EHBP1: variants seen among roughly 807,000 people sequenced by gnomAD.
EHBP1 encodes the protein EH domain-binding protein 1.
A neutral mutation model predicts 144.0 loss-of-function variants in EHBP1; 55 were observed. That is an observed-to-expected ratio of 0.38 (90% CI 0.31 to 0.48). The LOEUF (loss-of-function observed/expected upper bound fraction) is 0.48. Ranked by LOEUF, EHBP1 falls within the 20% of genes least tolerant of loss-of-function variation. The pLI is 0.98. For missense variants in EHBP1, 1,200 were observed against 1,364.2 expected (o/e 0.88, Z 1.90); for synonymous variants, 469 against 472.7 (o/e 0.99, Z 0.10).
At chr2:62,839,279 C>G (rs2047583616) in intron 7 of EHBP1, among the ~76,000 whole-genome samples, 1 of 151,582 alleles carries the variant, frequency 6.6e-6, no homozygotes, top group South Asian at 2.1e-4. Flanking sequence ...AAGCCTTTGA[C>G]AAAATTCAAC....
chr2:62,767,003 C>T (rs1330105175), intron 4 of EHBP1, among the ~76,000 whole-genome samples: 2 of 147,644 alleles, frequency 1.4e-5, no homozygotes, highest in Admixed American at 1.4e-4. Flanking sequence ...TTGTAAGATC[C>T]ATTACCCTTT....
chr2:62,925,479 C>T (rs139520771), intron 10 of EHBP1, among the ~76,000 whole-genome samples: 88 of 151,806 alleles, frequency 5.8e-4, no homozygotes, highest in African/African-American at 2.0e-3. Context: ...TGAATCTGTG[C>T]TCTCAGGAAA....
At chr2:63,037,368 T>C (rs1035250483) in intron 19 of EHBP1, among the ~76,000 whole-genome samples, 167 bp from the exon 20 acceptor site, 4 of 152,024 alleles carry the variant, frequency 2.6e-5, no homozygotes, top group East Asian at 1.9e-4. Flanking sequence ...CACCTTAAGA[T>C]TGACTTTTCT....
chr2:62,815,789 A>AT (rs1165182438), intron 5 of EHBP1, among the ~76,000 whole-genome samples: 1 of 152,192 alleles, frequency 6.6e-6, no homozygotes, highest in Non-Finnish European at 1.5e-5. Flanking sequence ...GATTTTTCTG[A>AT]TGGAATAGGT....
At chr2:62,768,745 C>T (rs1369678563) in intron 4 of EHBP1, among the ~76,000 whole-genome samples, 1 of 152,182 alleles carries the variant, frequency 6.6e-6, no homozygotes, top group Non-Finnish European at 1.5e-5. Flanking sequence ...CCTTGATGAA[C>T]ATCGATGCAA....
At position 62,986,209 on chromosome 2, in the gene EHBP1, A is replaced by G. The variant is rs567557521; in HGVS notation, c.2609-4507A>G. On this transcript the variant is annotated intron_variant, in intron 15 of 22. Transcript: ENST00000431489. ...TATTTGTTAGCTTATTTGCTAAACT[A>G]CAAATTTTGAGGATAGTGAAATTGA... is the stretch of plus-strand genomic sequence containing the variant. Among the ~76,000 whole-genome samples, 7 of 152,320 alleles carry G rather than the reference A, an allele frequency of 4.6e-5. No individual in the cohort carries two copies. In the South Asian group the frequency reaches 1.5e-3, roughly 32 times the overall value.
chr2:62,977,905 G>A lies in EHBP1; in HGVS notation c.2461-1283G>A, dbSNP rs566728092. Among the ~76,000 whole-genome samples, 355 of 152,254 alleles carry A rather than the reference G, an allele frequency of 2.3e-3. 2 individuals are homozygous for A. The highest frequency in any genetic ancestry group is 3.6e-3 in the Non-Finnish European group (247 of 68,018). ...AGGGGAGGTTTGGTGGATTTAAACT[G>A]AATCTGGAAGAATGAGTAGAAATTA... On this transcript the variant is annotated intron_variant, in intron 14 of 22. Coordinates refer to ENST00000431489, the MANE Select transcript of EHBP1 (RefSeq NM_001142616.3).
At chr2:62,864,575 C>T (rs994812831) in intron 8 of EHBP1, among the ~76,000 whole-genome samples, 156 bp from the exon 9 acceptor site, 5 of 151,970 alleles carry the variant, frequency 3.3e-5, no homozygotes, top group African/African-American at 1.2e-4. Flanking sequence ...CTACTTAGCC[C>T]CTCTAAAATA....
chr2:63,017,453 G>A (rs991809258), intron 19 of EHBP1, among the ~76,000 whole-genome samples: 2 of 152,200 alleles, frequency 1.3e-5, no homozygotes, highest in African/African-American at 4.8e-5. Context: ...AGTCAAAGTT[G>A]ATGTAGTATG....
intron 10 of EHBP1, among the ~76,000 whole-genome samples, chr2:62,928,196 C>A (rs1208577485): frequency 6.6e-6 from 1 of 152,172 alleles, no homozygotes; most frequent in Non-Finnish European, 1.5e-5. Flanking sequence ...CTGAGAACAA[C>A]CTCTGAACCT....
At chr2:62,783,226 A>T (rs1363583586) in intron 5 of EHBP1, among the ~76,000 whole-genome samples, 1 of 152,214 alleles carries the variant, frequency 6.6e-6, no homozygotes, top group Non-Finnish European at 1.5e-5. Context: ...TGCAGGGTAC[A>T]GCCCCCCTCC....
Position 62,959,486 on chromosome 2 carries a change from TACC to T in EHBP1, c.2460+3831_2460+3833del, listed in dbSNP as rs961102391. ...CCATAACAGTTGCACTATTTTATATTACCACCAACAGTGTGCAAAGATTCCACT... is the reference window on the plus strand; with the variant it reads ...CCATAACAGTTGCACTATTTTATATTACCAACAGTGTGCAAAGATTCCACT... On this transcript the variant is annotated intron_variant, in intron 14 of 22. Transcript: ENST00000431489. 7.9e-5 allele frequency among the ~76,000 whole-genome samples: 12 copies of T among 152,320 alleles called. 2 individuals carry two copies. The South Asian group carries it at 2.5e-3, about 32-fold the overall frequency.
intron 5 of EHBP1, among the ~76,000 whole-genome samples, chr2:62,792,895 A>G (rs1248036664): frequency 6.6e-6 from 1 of 151,990 alleles, no homozygotes; most frequent in Non-Finnish European, 1.5e-5. Context: ...TGCAAATAAA[A>G]TTGATAGGTT....
At chr2:62,909,685 A>G (rs1574011714) in intron 10 of EHBP1, among the ~76,000 whole-genome samples, 1 of 152,202 alleles carries the variant, frequency 6.6e-6, no homozygotes, top group African/African-American at 2.4e-5. Context: ...CTTGGGGTCT[A>G]CTTTTTACCT....
At chr2:62,846,954 T>C (rs886922326) in intron 7 of EHBP1, among the ~76,000 whole-genome samples, 1 of 152,182 alleles carries the variant, frequency 6.6e-6, no homozygotes, top group Non-Finnish European at 1.5e-5. Flanking sequence ...TCCTAGCAGG[T>C]GTTTTTTAAA....
chr2:62,721,563 G>A (rs1238362284), intron 2 of EHBP1, among the ~76,000 whole-genome samples: 1 of 152,170 alleles, frequency 6.6e-6, no homozygotes, highest in Non-Finnish European at 1.5e-5. Flanking sequence ...AATACTGGGG[G>A]GAAGATGCTT....
chr2:63,018,050 A>G (rs1441598102), intron 19 of EHBP1, among the ~76,000 whole-genome samples: 1 of 152,292 alleles, frequency 6.6e-6, no homozygotes, highest in East Asian at 1.9e-4. Flanking sequence ...TGTAGTTCCC[A>G]GCTACTCAAG....
Position 62,771,401 on chromosome 2 carries a change from A to C in EHBP1, c.312+9A>C. 6.3e-7 allele frequency: 1 copy of C among 1,583,268 alleles called. No homozygotes were observed. The highest frequency in any genetic ancestry group is 1.2e-5 in the South Asian group (1 of 85,746). On this transcript the variant is annotated intron_variant, in intron 5 of 22. Coordinates refer to ENST00000431489, the MANE Select transcript of EHBP1 (RefSeq NM_001142616.3). ...CATTTGTCATAGAAAATGTAAGCTA[A>C]TGGCAAATTCCTTCACCTTTCACAT... is the stretch of plus-strand genomic sequence containing the variant.
At chr2:62,931,809 T>C (rs541168881) in intron 10 of EHBP1, among the ~76,000 whole-genome samples, 12 of 152,250 alleles carry the variant, frequency 7.9e-5, no homozygotes, top group African/African-American at 2.9e-4. Context: ...ATCTCAGTTA[T>C]CCAGTTGAAA....
Sources: allele counts gnomAD v4.1 joint callset (sites outside exome capture counted in the v4.1 genomes callset), GRCh38; gene constraint gnomAD v4.1.1; transcripts MANE v1.5; gene names NCBI Gene and HGNC (gene_info 2026-07-23, HGNC 2026-07-21).